The following SIPA1L1 variants were observed in gnomAD, a reference collection of about 807,000 sequenced individuals.
SIPA1L1 encodes the protein signal-induced proliferation-associated 1-like protein 1.
Under a neutral mutation model 162.7 loss-of-function variants are expected in SIPA1L1, and 26 were observed. The ratio of observed to expected loss-of-function variants is 0.16; its 90% confidence interval spans 0.12 to 0.22. The LOEUF is 0.22. SIPA1L1 is among the 10% of genes least tolerant of loss of function. The pLI is 1.00. For synonymous variants in SIPA1L1, 829 were observed against 837.4 expected, an observed-to-expected ratio of 0.99 and a Z score of 0.17; for missense variants, 1,874 against 2,241.0, an observed-to-expected ratio of 0.84 and a Z score of 3.31.
chr14:71,738,262 T>A lies in SIPA1L1; in HGVS notation c.5145T>A (p.Thr1715=), dbSNP rs751631523. 1 of 1,605,578 alleles carries A rather than the reference T, an allele frequency of 6.2e-7. No homozygotes were observed. The highest frequency in any genetic ancestry group is 1.1e-5 in the South Asian group (1 of 90,788). The part of the protein sequence containing the change: ...PYSSSKDSSP[T]LASKVDQLEG... ...CCAGCAGTAAAGACTCCTCTCCCACTCTGGCTTCTAAAGTGGACCAGCTGG... is the reference window on the plus strand; with the variant it reads ...CCAGCAGTAAAGACTCCTCTCCCACACTGGCTTCTAAAGTGGACCAGCTGG... Residue 1715 remains threonine, a synonymous_variant, in exon 23 of 24, where the codon ACT becomes ACA. Coordinates refer to ENST00000381232, the MANE Select transcript of SIPA1L1 (RefSeq NM_001386936.1).
intron 13 of SIPA1L1, among the ~76,000 whole-genome samples, chr14:71,695,158 A>T (rs534135732): frequency 4.6e-5 from 7 of 152,306 alleles, no homozygotes; most frequent in South Asian, 2.1e-4. Flanking sequence ...TCAAATTCAG[A>T]GTATTTGGAA....
At chr14:71,642,532 A>T (rs903954203) in intron 7 of SIPA1L1, among the ~76,000 whole-genome samples, 1 of 152,232 alleles carries the variant, frequency 6.6e-6, no homozygotes, top group Non-Finnish European at 1.5e-5. Context: ...CGTACAACCA[A>T]GAGTTTAAAA....
intron 17 of SIPA1L1, among the ~76,000 whole-genome samples, chr14:71,717,310 C>G (rs148984912): frequency 0.01 from 1,565 of 152,224 alleles, 30 homozygotes; most frequent in African/African-American, 0.036. Flanking sequence ...AGGAGAAATG[C>G]CCTATAGCTT....
chr14:71,707,088 C>G (rs1021785804), intron 16 of SIPA1L1, among the ~76,000 whole-genome samples: 7 of 151,338 alleles, frequency 4.6e-5, no homozygotes, highest in Non-Finnish European at 8.8e-5. Context: ...TCCCCTTAGC[C>G]AATGAAGAGC....
At chr14:71,472,355 C>CA (rs34186703) in intron 2 of SIPA1L1, among the ~76,000 whole-genome samples, 36,624 of 136,514 alleles carry the variant, frequency 0.27, 4,609 homozygotes, top group Middle Eastern at 0.42. Flanking sequence ...AGGCAAGCCT[C>CA]AAAAAAAAAA....
Position 71,639,136 on chromosome 14 carries a change from A to G in SIPA1L1, c.1819-11199A>G, listed in dbSNP as rs2041449970. Among the ~76,000 whole-genome samples the G allele has an allele frequency of 2.0e-5, 3 of 152,326 alleles. No homozygotes were observed. In the South Asian group the frequency reaches 6.2e-4, roughly 32 times the overall value. On this transcript the variant is annotated intron_variant, in intron 7 of 23. Coordinates refer to ENST00000381232, the MANE Select transcript of SIPA1L1 (RefSeq NM_001386936.1). Reference sequence around the variant, plus strand: ...AATCAAAACCCTAATGTTGGGCATGATGGCTCACTTCTGTAATCCTAGCGT... The same window carrying G: ...AATCAAAACCCTAATGTTGGGCATGGTGGCTCACTTCTGTAATCCTAGCGT...
At chr14:71,550,899 A>G (rs2055760154) in intron 4 of SIPA1L1, among the ~76,000 whole-genome samples, 1 of 152,102 alleles carries the variant, frequency 6.6e-6, no homozygotes, top group Admixed American at 6.5e-5. Flanking sequence ...AAAAATAAAG[A>G]TTAGCTGGGC....
chr14:71,359,631 A>G (rs2037608991), intron 2 of SIPA1L1, among the ~76,000 whole-genome samples: 1 of 152,246 alleles, frequency 6.6e-6, no homozygotes, highest in Non-Finnish European at 1.5e-5. Flanking sequence ...CCTACTGGTA[A>G]AATGACAGAT....
intron 3 of SIPA1L1, among the ~76,000 whole-genome samples, chr14:71,523,872 T>C (rs1025133926): frequency 6.6e-6 from 1 of 152,174 alleles, no homozygotes; most frequent in African/African-American, 2.4e-5. Flanking sequence ...TTTTAAGAAG[T>C]CCCCAGCTTT....
intron 12 of SIPA1L1, among the ~76,000 whole-genome samples, chr14:71,681,284 C>T (rs1474082022): frequency 6.6e-6 from 1 of 152,184 alleles, no homozygotes; most frequent in East Asian, 1.9e-4. Context: ...TTAGTGACCT[C>T]TGTGACCTCT....
In SIPA1L1 at chr14:71,552,395, C is replaced by CTTT. The variant is rs1018604407; in HGVS notation, c.-303+23037_-303+23039dup. Among the ~76,000 whole-genome samples, 6 of 142,102 alleles carry CTTT rather than the reference C, an allele frequency of 4.2e-5. 2 individuals are homozygous for CTTT. The highest frequency in any genetic ancestry group is 3.1e-5 in the Non-Finnish European group (2 of 64,562). 93.2% of individuals were successfully genotyped at this position (142,102 alleles called of 152,430 possible). On this transcript the variant is annotated intron_variant, in intron 4 of 23. Transcript: ENST00000381232. ...AAATGTATTTTCCCATACCCTATTT[C>CTTT]TTTTTTTTTTTTTTGAGACGGAGTC...
intron 7 of SIPA1L1, among the ~76,000 whole-genome samples, chr14:71,636,103 A>G (rs2041119430): frequency 6.6e-6 from 1 of 152,230 alleles, no homozygotes; most frequent in Admixed American, 6.5e-5. Flanking sequence ...TAAATACACA[A>G]TTATAGTTGG....
intron 2 of SIPA1L1, among the ~76,000 whole-genome samples, chr14:71,381,036 A>G (rs2039851501): frequency 6.6e-6 from 1 of 152,164 alleles, no homozygotes; most frequent in Non-Finnish European, 1.5e-5. Flanking sequence ...AAAATATAAG[A>G]CATTCATTGA....
At chr14:71,383,869 A>G (rs1320162886) in intron 2 of SIPA1L1, among the ~76,000 whole-genome samples, 1 of 152,184 alleles carries the variant, frequency 6.6e-6, no homozygotes, top group African/African-American at 2.4e-5. Context: ...TTTCAACAGG[A>G]GATTTGGAAG....
At chr14:71,651,578 C>G (rs2042622234) in intron 8 of SIPA1L1, among the ~76,000 whole-genome samples, 1 of 152,164 alleles carries the variant, frequency 6.6e-6, no homozygotes, top group African/African-American at 2.4e-5. Flanking sequence ...TGTCCTTAAA[C>G]TCTTTTTATC....
chr14:71,357,628 C>T (rs778541819), intron 2 of SIPA1L1, among the ~76,000 whole-genome samples: 27 of 152,150 alleles, frequency 1.8e-4, no homozygotes, highest in Non-Finnish European at 7.4e-5. Flanking sequence ...GTGGCATGAT[C>T]TCCGCTCACT....
chr14:71,343,022 G>A (rs1177467340), intron 2 of SIPA1L1, among the ~76,000 whole-genome samples: 1 of 152,206 alleles, frequency 6.6e-6, no homozygotes, highest in African/African-American at 2.4e-5. Flanking sequence ...CACTCCTGGT[G>A]CACTCATTTA....
chr14:71,358,657 T>G (rs1432008130), intron 2 of SIPA1L1, among the ~76,000 whole-genome samples: 2 of 152,222 alleles, frequency 1.3e-5, no homozygotes, highest in African/African-American at 2.4e-5. Flanking sequence ...ATTCTTGCAC[T>G]AGTATAAATA....
At chr14:71,331,641 G>A (rs932301159) in intron 2 of SIPA1L1, among the ~76,000 whole-genome samples, 4 of 152,200 alleles carry the variant, frequency 2.6e-5, no homozygotes, top group African/African-American at 9.7e-5. Flanking sequence ...CCAACACTCT[G>A]TGTCAGTTGC....
Sources: gnomAD v4.1 joint callset for allele counts (sites outside exome capture counted in the v4.1 genomes callset) on GRCh38, gnomAD v4.1.1 for gene constraint, MANE v1.5 for transcripts, NCBI Gene and HGNC (gene_info 2026-07-23, HGNC 2026-07-21) for gene names.